ALMS1: variants seen among roughly 807,000 people sequenced by gnomAD.
ALMS1 encodes the protein ALMS1 centrosome and basal body associated protein.
Under a neutral mutation model 352.2 loss-of-function variants are expected in ALMS1, and 271 were observed. The observed-to-expected ratio is 0.77, with a 90% CI of 0.70 to 0.85. The LOEUF (loss-of-function observed/expected upper bound fraction) is 0.85. ALMS1 is among the 40% of genes least tolerant of loss of function. The probability of loss-of-function intolerance (pLI) is 0.00; values close to 1 mark genes in which losing one functional copy is unlikely to be tolerated. For missense variants in ALMS1, 5,445 were observed against 4,870.7 expected, an observed-to-expected ratio of 1.12 and a Z score of -3.51; for synonymous variants, 1,865 against 1,761.2, an observed-to-expected ratio of 1.06 and a Z score of -1.48.
intron 12 of ALMS1, among the ~76,000 whole-genome samples, chr2:73,538,580 G>A (rs1367393759): frequency 6.6e-6 from 1 of 152,190 alleles, no homozygotes; most frequent in East Asian, 1.9e-4. Flanking sequence ...CCGAAGCAGG[G>A]CAAGGCATCG....
intron 1 of ALMS1, among the ~76,000 whole-genome samples, chr2:73,396,303 T>TACACAC (rs757567739): frequency 0.03 from 4,374 of 144,080 alleles, 75 homozygotes; most frequent in Admixed American, 0.051. Context: ...GTCATAGAAA[T>TACACAC]ACACACACAC....
intron 2 of ALMS1, among the ~76,000 whole-genome samples, chr2:73,417,158 A>T (rs1469932859): frequency 4.6e-5 from 7 of 152,180 alleles, no homozygotes; most frequent in Admixed American, 1.3e-4. Flanking sequence ...AAGTTATAAA[A>T]TATAATACAG....
chr2:73,504,286 A>G (rs1312493496), intron 10 of ALMS1, among the ~76,000 whole-genome samples: 1 of 152,332 alleles, frequency 6.6e-6, no homozygotes, highest in Admixed American at 6.5e-5. Flanking sequence ...TAATGCATAT[A>G]TGTGTAATTC....
At chr2:73,469,544 ATAATT>A (rs1315130330) in intron 9 of ALMS1, 1 of 151,996 alleles carries the variant, frequency 6.6e-6, no homozygotes, top group Non-Finnish European at 1.5e-5. Flanking sequence ...CTTAGATAAT[ATAATT>A]AAACAGAAGC....
intron 6 of ALMS1, among the ~76,000 whole-genome samples, chr2:73,428,372 C>T (rs1033736340): frequency 2.6e-5 from 4 of 151,988 alleles, no homozygotes; most frequent in Admixed American, 2.0e-4. Flanking sequence ...AACTGTTCCC[C>T]CTCCCCCCAC....
intron 15 of ALMS1, among the ~76,000 whole-genome samples, chr2:73,559,893 G>C (rs1260440157): frequency 4.6e-5 from 7 of 152,168 alleles, no homozygotes; most frequent in Non-Finnish European, 1.0e-4. Flanking sequence ...AAAAGGGTTA[G>C]TGACATACAT....
chr2:73,511,831 A>G (rs1268584062), intron 10 of ALMS1, among the ~76,000 whole-genome samples: 1 of 152,144 alleles, frequency 6.6e-6, no homozygotes. Flanking sequence ...AATGCACAAG[A>G]CAGTCCTCCA....
intron 9 of ALMS1, among the ~76,000 whole-genome samples, chr2:73,467,830 G>C (rs1301437598): frequency 6.6e-6 from 1 of 152,028 alleles, no homozygotes; most frequent in Non-Finnish European, 1.5e-5. Flanking sequence ...AAAAAAGCCA[G>C]ACACAAAGAG....
chr2:73,576,777 T>C (rs547177462), intron 16 of ALMS1, among the ~76,000 whole-genome samples: 51 of 152,008 alleles, frequency 3.4e-4, no homozygotes, highest in African/African-American at 1.2e-3. Flanking sequence ...CCTGACACCA[T>C]GCCCAGCTAT....
intron 1 of ALMS1, among the ~76,000 whole-genome samples, chr2:73,394,928 T>A (rs1405750866): frequency 6.6e-6 from 1 of 151,196 alleles, no homozygotes; most frequent in African/African-American, 2.4e-5. Flanking sequence ...GATACGTTTG[T>A]GTATCTAACA....
At chr2:73,491,680 C>T (rs1244167640) in intron 10 of ALMS1, among the ~76,000 whole-genome samples, 182 bp downstream of exon 10, 1 of 152,048 alleles carries the variant, frequency 6.6e-6, no homozygotes, top group South Asian at 2.1e-4. Context: ...GAACATGTGA[C>T]AGTAATGCAT....
At chr2:73,563,722 C>CAAAAAAAAAA (rs1170434973) in intron 15 of ALMS1, among the ~76,000 whole-genome samples, 2 of 52,196 alleles carry the variant, frequency 3.8e-5, no homozygotes, top group African/African-American at 3.0e-4. Flanking sequence ...GACTCCATCT[C>CAAAAAAAAAA]AAAAAAAAAA....
At position 73,454,086 on chromosome 2, in the gene ALMS1, G is replaced by A. The variant is rs202162369; in HGVS notation, c.7540+19G>A. 49 of 1,591,368 alleles carry A rather than the reference G, an allele frequency of 3.1e-5. No individual in the cohort carries two copies. Among genetic ancestry groups the A allele is most frequent in the Non-Finnish European group, 3.4e-6 (4 of 1,168,440 alleles). The stretch of plus-strand genomic sequence containing the variant: ...GCACATGGTAAGAAGAAAGTTTCAG[G>A]CTTATAAACGTTATAGTTTAATAAT... On this transcript the variant is annotated intron_variant, in intron 8 of 22. Transcript: ENST00000613296.
chr2:73,484,770 A>G (rs866868066), intron 9 of ALMS1, among the ~76,000 whole-genome samples: 19 of 151,858 alleles, frequency 1.3e-4, no homozygotes, highest in Admixed American at 3.9e-4. Flanking sequence ...GGCTTTGCTC[A>G]TTTCTTTTTA....
chr2:73,387,590 A>G (rs964852143), intron 1 of ALMS1, among the ~76,000 whole-genome samples: 3 of 152,200 alleles, frequency 2.0e-5, no homozygotes, highest in African/African-American at 4.8e-5. Context: ...CCAGAAGCCA[A>G]CGTGGTTTGA....
intron 9 of ALMS1, chr2:73,462,655 G>C (rs1343412444): frequency 1.3e-5 from 2 of 152,208 alleles, no homozygotes; most frequent in African/African-American, 4.8e-5. Context: ...AAAAGGCAAA[G>C]ACTGGCAAAT....
chr2:73,605,584 C>T (rs182413458), intron 21 of ALMS1, among the ~76,000 whole-genome samples: 10 of 152,348 alleles, frequency 6.6e-5, no homozygotes, highest in Admixed American at 4.6e-4. Flanking sequence ...CACAGTGGCT[C>T]ACGCCTATAA....
At chr2:73,528,442 C>G (rs1392475778) in intron 11 of ALMS1, among the ~76,000 whole-genome samples, 2 of 152,144 alleles carry the variant, frequency 1.3e-5, no homozygotes, top group African/African-American at 4.8e-5. Context: ...TTGTTATATC[C>G]TCTTGCTGAA....
chr2:73,564,465 C>CAAAAAA (rs367797062), intron 15 of ALMS1, among the ~76,000 whole-genome samples: 1 of 63,352 alleles, frequency 1.6e-5, no homozygotes. Context: ...GACTCCGTCT[C>CAAAAAA]AAAAAAAAAA....
Sources: allele counts gnomAD v4.1 joint callset (sites outside exome capture counted in the v4.1 genomes callset), GRCh38; gene constraint gnomAD v4.1.1; transcripts MANE v1.5; gene names NCBI Gene and HGNC (gene_info 2026-07-23, HGNC 2026-07-21).